SNX13: variants seen among roughly 807,000 people sequenced by gnomAD.
SNX13 encodes sorting nexin 13, also known as sorting nexin-13.
In SNX13, 45 loss-of-function variants were observed where a neutral mutation model predicts 133.6. The observed-to-expected ratio is 0.34, with a 90% CI of 0.27 to 0.43. SNX13 has a LOEUF of 0.43. Ranked by LOEUF, SNX13 falls within the 20% of genes least tolerant of loss-of-function variation. The pLI is 1.00. For synonymous variants in SNX13, 414 were observed against 373.9 expected (o/e 1.11, Z -1.24); for missense variants, 1,032 against 1,145.1 (o/e 0.90, Z 1.43).
chr7:17,902,686 G>A (rs1295243030), intron 1 of SNX13, among the ~76,000 whole-genome samples: 1 of 152,078 alleles, frequency 6.6e-6, no homozygotes, highest in Non-Finnish European at 1.5e-5. Context: ...GGAATCCAAA[G>A]AATACAGACA....
chr7:17,796,619 C>T (rs768170804), intron 25 of SNX13: 14 of 481,444 alleles, frequency 2.9e-5, no homozygotes, highest in African/African-American at 9.7e-5. Context: ...ACATATAAAG[C>T]GGTGATGTTA....
chr7:17,888,435 GAA>G, intron 5 of SNX13: 1 of 207,626 alleles, frequency 4.8e-6, no homozygotes, highest in Non-Finnish European at 9.9e-6. Context: ...TAACAGGAAA[GAA>G]GAGCAGGAAA....
intron 9 of SNX13, among the ~76,000 whole-genome samples, chr7:17,854,750 C>G (rs1791680745): frequency 6.6e-6 from 1 of 152,158 alleles, no homozygotes; most frequent in Non-Finnish European, 1.5e-5. Context: ...TCCTCCGTCT[C>G]TCTCCCTCTA....
At chr7:17,923,667 T>G (rs2128039208) in intron 1 of SNX13, among the ~76,000 whole-genome samples, 1 of 151,850 alleles carries the variant, frequency 6.6e-6, no homozygotes, top group Non-Finnish European at 1.5e-5. Context: ...AGAAAACAGA[T>G]CACATATGCA....
At position 17,854,115 on chromosome 7, in the gene SNX13, T is replaced by C. The variant is rs537683300; in HGVS notation, c.838-3151A>G. On this transcript the variant is annotated intron_variant, in intron 9 of 25. Coordinates refer to ENST00000428135, the MANE Select transcript of SNX13 (RefSeq NM_015132.5). ...AAGTAAATGTATGAGTGTAAAAGATTTTTTTTCTGTTCTTTATTTAAGAAA... is the reference window on the plus strand; with the variant it reads ...AAGTAAATGTATGAGTGTAAAAGATCTTTTTTCTGTTCTTTATTTAAGAAA... Among the ~76,000 whole-genome samples the C allele has an allele frequency of 3.3e-5, 5 of 152,278 alleles. No homozygotes were observed. In the East Asian group the frequency reaches 9.6e-4, roughly 29 times the overall value.
intron 20 of SNX13, among the ~76,000 whole-genome samples, chr7:17,810,548 C>G (rs116955085): frequency 2.4e-3 from 369 of 152,072 alleles, no homozygotes; most frequent in Non-Finnish European, 4.6e-3. Context: ...TACAATTCTA[C>G]TAGAGGTACA....
Position 17,935,564 on chromosome 7 carries a change from A to G in SNX13, c.12+4720T>C, listed in dbSNP as rs1801920491. 2.6e-5 allele frequency among the ~76,000 whole-genome samples: 4 copies of G among 152,220 alleles called. No individual in the cohort carries two copies. In the South Asian group the frequency reaches 8.3e-4, roughly 32 times the overall value. ...CTTAATCATTCCACATTGTACACACATTTCAAAATATCACCCTGTACCCCA... is the reference window on the plus strand; with the variant it reads ...CTTAATCATTCCACATTGTACACACGTTTCAAAATATCACCCTGTACCCCA... On this transcript the variant is annotated intron_variant, in intron 1 of 25. Transcript: ENST00000428135.
Position 17,912,511 on chromosome 7 carries a change from A to G in SNX13, c.13-15065T>C, listed in dbSNP as rs190962021. Among the ~76,000 whole-genome samples the G allele has an allele frequency of 4.9e-3, 744 of 152,078 alleles. 4 individuals carry two copies. Among genetic ancestry groups the G allele is most frequent in the South Asian group, 0.015 (70 of 4,816 alleles). On this transcript the variant is annotated intron_variant, in intron 1 of 25. Coordinates refer to ENST00000428135, the MANE Select transcript of SNX13 (RefSeq NM_015132.5). ...TGCAACCTCCTGCCTCCCGGGTTCA[A>G]GTGATTCTCCTGCCTCAGCCTCCTG...
At chr7:17,794,496 T>C in intron 25 of SNX13, 1 of 581,664 alleles carries the variant, frequency 1.7e-6, no homozygotes, top group South Asian at 2.4e-5. Flanking sequence ...ATGCAAAAGC[T>C]ACTGGGAGAC....
chr7:17,828,741 T>C (rs1788170092), intron 16 of SNX13, among the ~76,000 whole-genome samples: 1 of 151,512 alleles, frequency 6.6e-6, no homozygotes, highest in Non-Finnish European at 1.5e-5. Context: ...CTGGTTTATA[T>C]TACCATGTGA....
At chr7:17,913,350 G>C (rs1160128587) in intron 1 of SNX13, among the ~76,000 whole-genome samples, 1 of 152,104 alleles carries the variant, frequency 6.6e-6, no homozygotes, top group Non-Finnish European at 1.5e-5. Flanking sequence ...GGTCTGAAAG[G>C]GGCCATTTCT....
chr7:17,805,211 T>TTGTGTGTGTGTGTGTGTGTG lies in SNX13; in HGVS notation c.2065-1651_2065-1632dup, dbSNP rs55946438. Among the ~76,000 whole-genome samples the TTGTGTGTGTGTGTGTGTGTG allele has an allele frequency of 3.1e-3, 365 of 118,436 alleles. 1 individual carries two copies. The highest frequency in any genetic ancestry group is 7.7e-3 in the Middle Eastern group (2 of 260). 77.7% of individuals were successfully genotyped at this position (118,436 alleles called of 152,430 possible). ...AGTCTCACGTTTGGCTAATGATTCT[T>TTGTGTGTGTGTGTGTGTGTG]TGTGTGTGTGTGTGTGTGTGTGTGT... is the stretch of plus-strand genomic sequence containing the variant. On this transcript the variant is annotated intron_variant, in intron 20 of 25. Coordinates refer to ENST00000428135, the MANE Select transcript of SNX13 (RefSeq NM_015132.5).
Position 17,846,580 on chromosome 7 carries a change from G to C in SNX13, c.1066-886C>G, listed in dbSNP as rs1229624086. 9.9e-5 allele frequency among the ~76,000 whole-genome samples: 15 copies of C among 151,784 alleles called. No homozygotes were observed. The South Asian group carries it at 3.1e-3, about 32-fold the overall frequency. ...CTATTTAAAAAAGAAAGATAGGCAGGTTTACTGTAAATGAAGTAGGCTGCC... is the reference window on the plus strand; with the variant it reads ...CTATTTAAAAAAGAAAGATAGGCAGCTTTACTGTAAATGAAGTAGGCTGCC... On this transcript the variant is annotated intron_variant, in intron 11 of 25. Transcript: ENST00000428135.
At chr7:17,903,616 A>G (rs1372209338) in intron 1 of SNX13, among the ~76,000 whole-genome samples, 4 of 152,200 alleles carry the variant, frequency 2.6e-5, no homozygotes, top group African/African-American at 9.6e-5. Flanking sequence ...AATCACTATT[A>G]TTATGCAAAG....
chr7:17,831,132 G>T, intron 15 of SNX13: 1 of 984,280 alleles, frequency 1.0e-6, no homozygotes, highest in Non-Finnish European at 1.2e-6. Flanking sequence ...CAAGTTAAAG[G>T]AGAATTTGGG....
At chr7:17,917,575 G>C (rs1799699138) in intron 1 of SNX13, among the ~76,000 whole-genome samples, 1 of 151,480 alleles carries the variant, frequency 6.6e-6, no homozygotes, top group South Asian at 2.1e-4. Context: ...AAATACCTAG[G>C]AATACAGCTA....
chr7:17,797,291 C>A (rs1045873098), intron 24 of SNX13, among the ~76,000 whole-genome samples: 1 of 151,790 alleles, frequency 6.6e-6, no homozygotes, highest in African/African-American at 2.4e-5. Flanking sequence ...TGCAACCCTA[C>A]AATATCTTGA....
At chr7:17,897,522 T>C (rs751171511) in intron 1 of SNX13, 76 bp from the exon 2 acceptor site, 1 of 784,604 alleles carries the variant, frequency 1.3e-6, no homozygotes. Flanking sequence ...ACAAAACTTT[T>C]ACATAGTTTT....
chr7:17,913,155 G>A (rs1206469385), intron 1 of SNX13, among the ~76,000 whole-genome samples: 2 of 152,196 alleles, frequency 1.3e-5, no homozygotes, highest in African/African-American at 4.8e-5. Flanking sequence ...AGGGAGAAGG[G>A]AGAGCACCCC....
Sources: allele counts gnomAD v4.1 joint callset (sites outside exome capture counted in the v4.1 genomes callset), GRCh38; gene constraint gnomAD v4.1.1; transcripts MANE v1.5; gene names NCBI Gene and HGNC (gene_info 2026-07-23, HGNC 2026-07-21).